RBFOX1: variants seen among roughly 807,000 people sequenced by gnomAD.
The protein encoded by RBFOX1 is RNA binding fox-1 homolog 1, also known as RNA binding protein fox-1 homolog 1.
In RBFOX1, 8 loss-of-function variants were observed where a neutral mutation model predicts 57.7. The observed-to-expected ratio is 0.14, with a 90% CI of 0.08 to 0.25. The LOEUF (loss-of-function observed/expected upper bound fraction) is 0.25. Ranked by LOEUF, RBFOX1 falls within the 10% of genes least tolerant of loss-of-function variation. RBFOX1 has a pLI of 1.00. For missense variants in RBFOX1, 611 were observed against 548.5 expected (o/e 1.11, Z -1.14); for synonymous variants, 326 against 222.4 (o/e 1.47, Z -4.15).
At chr16:6,207,452 T>A (rs1480159616) in intron 1 of RBFOX1, among the ~76,000 whole-genome samples, 3 of 152,196 alleles carry the variant, frequency 2.0e-5, no homozygotes, top group Non-Finnish European at 4.4e-5. Context: ...ACTGGAATGA[T>A]GAAAATCAAG....
chr16:5,332,562 C>T (rs1596547259), intron 1 of RBFOX1, among the ~76,000 whole-genome samples: 1 of 151,692 alleles, frequency 6.6e-6, no homozygotes, highest in South Asian at 2.1e-4. Context: ...CTGCACTCGG[C>T]CAAGGGGACT....
Position 6,495,508 on chromosome 16 carries a change from A to G in RBFOX1, c.-63-159095A>G, listed in dbSNP as rs1482235975. 1.3e-5 allele frequency among the ~76,000 whole-genome samples: 2 copies of G among 152,208 alleles called. 1 individual carries two copies. The highest frequency in any genetic ancestry group is 4.8e-5 in the African/African-American group (2 of 41,446). ...CTTGTGGGTTGGCTGAGACAGTAATATTCATTTAGAGTAAACATCTATTGA... is the reference window on the plus strand; with the variant it reads ...CTTGTGGGTTGGCTGAGACAGTAATGTTCATTTAGAGTAAACATCTATTGA... On this transcript the variant is annotated intron_variant, in intron 2 of 15. Coordinates refer to ENST00000550418, the MANE Select transcript of RBFOX1 (RefSeq NM_018723.4).
At chr16:7,515,592 T>C (rs1046894749) in intron 4 of RBFOX1, among the ~76,000 whole-genome samples, 1 of 152,184 alleles carries the variant, frequency 6.6e-6, no homozygotes, top group Non-Finnish European at 1.5e-5. Flanking sequence ...CATCAAGTTA[T>C]ACACCTTACA....
intron 2 of RBFOX1, among the ~76,000 whole-genome samples, chr16:6,490,874 G>T (rs902289277): frequency 5.9e-5 from 9 of 152,154 alleles, no homozygotes; most frequent in Admixed American, 3.9e-4. Context: ...AAAGACTGAT[G>T]TTGGATCCAT....
chr16:5,418,080 TCAACAA>T (rs58380992), intron 1 of RBFOX1, among the ~76,000 whole-genome samples: 13 of 150,878 alleles, frequency 8.6e-5, no homozygotes, highest in Non-Finnish European at 1.5e-4. Context: ...AAACTCCATC[TCAACAA>T]CAACAACAAC....
intron 10 of RBFOX1, among the ~76,000 whole-genome samples, chr16:7,620,192 G>A (rs541185331): frequency 7.6e-4 from 116 of 152,284 alleles, no homozygotes; most frequent in Non-Finnish European, 1.4e-3. Context: ...CCATGATTAT[G>A]ATTGATTCAC....
intron 4 of RBFOX1, among the ~76,000 whole-genome samples, chr16:7,088,751 G>T (rs1009833012): frequency 6.6e-6 from 1 of 152,194 alleles, no homozygotes; most frequent in African/African-American, 2.4e-5. Context: ...TCTTATGCCA[G>T]TAACCAAAGT....
intron 3 of RBFOX1, among the ~76,000 whole-genome samples, chr16:6,711,547 T>C (rs1420117039): frequency 6.6e-6 from 1 of 152,202 alleles, no homozygotes; most frequent in Non-Finnish European, 1.5e-5. Flanking sequence ...TAAAAGTGTT[T>C]GGCAGTTCTG....
At chr16:6,654,848 G>A (rs1379441478) in intron 3 of RBFOX1, among the ~76,000 whole-genome samples, 198 bp downstream of exon 3, 2 of 151,390 alleles carry the variant, frequency 1.3e-5, no homozygotes, top group Admixed American at 1.3e-4. Flanking sequence ...ATGGCTTCAT[G>A]AGGAGTGCAT....
At chr16:6,416,708 G>T (rs189518168) in intron 2 of RBFOX1, among the ~76,000 whole-genome samples, 119 of 152,152 alleles carry the variant, frequency 7.8e-4, no homozygotes, top group African/African-American at 2.8e-3. Flanking sequence ...TGCTGCATTC[G>T]CACCTGTCAG....
Position 6,282,365 on chromosome 16 carries a change from T to G in RBFOX1, c.-126-34630T>G, listed in dbSNP as rs1036596595. ...CCTTGTACCTTGTCTGTTTTTTTTT[T>G]TTTTTTTTTTTTAATTTTACTTTAA... On this transcript the variant is annotated intron_variant, in intron 1 of 15. Transcript: ENST00000550418. Among the ~76,000 whole-genome samples, 55 of 151,572 alleles carry G rather than the reference T, an allele frequency of 3.6e-4. 3 individuals are homozygous for G. In the South Asian group the frequency reaches 8.6e-3, roughly 24 times the overall value.
At chr16:5,811,815 C>G (rs980528923) in intron 3 of RBFOX1, among the ~76,000 whole-genome samples, 2 of 152,152 alleles carry the variant, frequency 1.3e-5, no homozygotes, top group African/African-American at 4.8e-5. Flanking sequence ...CCTATTGTTT[C>G]TATGAAATAC....
At chr16:5,963,330 C>G (rs1421459952) in intron 4 of RBFOX1, among the ~76,000 whole-genome samples, 1 of 152,152 alleles carries the variant, frequency 6.6e-6, no homozygotes, top group East Asian at 1.9e-4. Flanking sequence ...CCACCATTGC[C>G]ATTCTCTGGC....
intron 2 of RBFOX1, among the ~76,000 whole-genome samples, chr16:6,394,080 AC>A (rs1295787670): frequency 1.6e-4 from 24 of 152,276 alleles, no homozygotes; most frequent in African/African-American, 2.4e-4. Context: ...GACATCCATG[AC>A]TGTGCATCTC....
chr16:5,352,237 C>T (rs1376697456), intron 1 of RBFOX1, among the ~76,000 whole-genome samples: 3 of 152,168 alleles, frequency 2.0e-5, no homozygotes, highest in African/African-American at 7.2e-5. Context: ...GCTTGTCCAC[C>T]CTGGGAGTGG....
intron 11 of RBFOX1, among the ~76,000 whole-genome samples, chr16:7,637,362 T>G (rs1480720345): frequency 1.3e-5 from 2 of 152,198 alleles, no homozygotes; most frequent in Non-Finnish European, 2.9e-5. Context: ...TCCTCATTTA[T>G]TGACTTCTAT....
chr16:7,590,690 T>G (rs951364122), intron 7 of RBFOX1, among the ~76,000 whole-genome samples: 1 of 151,854 alleles, frequency 6.6e-6, no homozygotes, highest in Non-Finnish European at 1.5e-5. Flanking sequence ...AGAAACCTTG[T>G]CTTGACTAAA....
intron 2 of RBFOX1, among the ~76,000 whole-genome samples, chr16:6,490,245 A>G (rs140591559): frequency 0.015 from 2,266 of 152,332 alleles, 32 homozygotes; most frequent in Non-Finnish European, 0.024. Context: ...TCTGCTTTAG[A>G]AGGGAAAAAA....
At chr16:6,244,313 A>T (rs2097557005) in intron 1 of RBFOX1, among the ~76,000 whole-genome samples, 1 of 152,038 alleles carries the variant, frequency 6.6e-6, no homozygotes, top group African/African-American at 2.4e-5. Flanking sequence ...AGGCCTTTGG[A>T]CATCTGCTCA....
Sources: gnomAD v4.1 joint callset for allele counts (sites outside exome capture counted in the v4.1 genomes callset) on GRCh38, gnomAD v4.1.1 for gene constraint, MANE v1.5 for transcripts, NCBI Gene and HGNC (gene_info 2026-07-23, HGNC 2026-07-21) for gene names.